The following WDPCP variants were observed in gnomAD, a reference collection of about 807,000 sequenced individuals.
The protein encoded by WDPCP is WD repeat containing planar cell polarity effector.
Under a neutral mutation model 93.1 loss-of-function variants are expected in WDPCP, and 71 were observed. The ratio of observed to expected loss-of-function variants is 0.76; its 90% CI spans 0.63 to 0.93. The LOEUF (loss-of-function observed/expected upper bound fraction) is 0.93, where lower values mean the gene tolerates loss of function less well. WDPCP is among the 40% of genes least tolerant of loss of function. The pLI, the probability that WDPCP is intolerant of heterozygous loss-of-function variation, is 0.00. For missense variants in WDPCP, 844 were observed against 887.4 expected (o/e 0.95, Z 0.62); for synonymous variants, 315 against 315.0 (o/e 1.00, Z 0.00).
chr2:63,251,146 A>T (rs553067157), intron 14 of WDPCP, among the ~76,000 whole-genome samples: 1 of 152,342 alleles, frequency 6.6e-6, no homozygotes, highest in African/African-American at 2.4e-5. Flanking sequence ...TGAACTTGAG[A>T]TCCAAAAATC....
intron 12 of WDPCP, among the ~76,000 whole-genome samples, chr2:63,314,597 G>A (rs554324840): frequency 1.1e-4 from 17 of 151,998 alleles, no homozygotes; most frequent in African/African-American, 3.4e-4. Flanking sequence ...TTAATTTTTT[G>A]TTTTCCCTTC....
chr2:63,443,139 A>G (rs916768519), intron 6 of WDPCP: 6 of 152,166 alleles, frequency 3.9e-5, no homozygotes, highest in Admixed American at 3.3e-4. Flanking sequence ...TATATTTAGT[A>G]TATCATATGA....
chr2:63,737,240 G>C (rs1669651999), intron 2 of WDPCP, among the ~76,000 whole-genome samples: 1 of 152,126 alleles, frequency 6.6e-6, no homozygotes, highest in African/African-American at 2.4e-5. Context: ...GGCCTCCAAG[G>C]CTCAAAGCTC....
intron 1 of WDPCP, among the ~76,000 whole-genome samples, chr2:63,567,009 T>C (rs916848358): frequency 6.6e-6 from 1 of 152,018 alleles, no homozygotes; most frequent in Non-Finnish European, 1.5e-5. Context: ...GGAGTTGAGG[T>C]CGGGGGTGGT....
chr2:63,773,362 T>C (rs374147312), intron 2 of WDPCP, among the ~76,000 whole-genome samples: 2 of 152,024 alleles, frequency 1.3e-5, no homozygotes, highest in East Asian at 1.9e-4. Flanking sequence ...TATAATAACA[T>C]TTATATGACA....
intron 10 of WDPCP, among the ~76,000 whole-genome samples, chr2:63,385,597 G>A (rs9808385): frequency 0.56 from 85,288 of 151,726 alleles, 24,309 homozygotes; most frequent in Admixed American, 0.64. Flanking sequence ...ATAAAACTAC[G>A]CAGAGAGAAA....
intron 2 of WDPCP, among the ~76,000 whole-genome samples, chr2:63,490,617 C>T (rs1008693690): frequency 2.6e-5 from 4 of 152,072 alleles, no homozygotes; most frequent in South Asian, 2.1e-4. Context: ...GTAGGCCCTG[C>T]AAAAATGCAG....
intron 1 of WDPCP, among the ~76,000 whole-genome samples, chr2:63,522,098 T>C (rs950135392): frequency 2.0e-5 from 3 of 152,158 alleles, no homozygotes; most frequent in Middle Eastern, 3.4e-3. Context: ...GCTTGTTACA[T>C]AGGTATACAC....
At chr2:63,319,494 A>T (rs2104086094) in intron 12 of WDPCP, among the ~76,000 whole-genome samples, 1 of 152,342 alleles carries the variant, frequency 6.6e-6, no homozygotes. Flanking sequence ...AATTAGAAAG[A>T]AACAGGAGTC....
intron 14 of WDPCP, among the ~76,000 whole-genome samples, chr2:63,246,476 G>T (rs1319079546): frequency 1.3e-5 from 2 of 152,172 alleles, no homozygotes; most frequent in African/African-American, 4.8e-5. Context: ...CATGTGACCA[G>T]GGTGGGTATC....
At chr2:63,488,981 G>A (rs994918288) in intron 2 of WDPCP, among the ~76,000 whole-genome samples, 1 of 152,020 alleles carries the variant, frequency 6.6e-6, no homozygotes, top group African/African-American at 2.4e-5. Context: ...TCCATTCAGA[G>A]AGTCAGCCTG....
chr2:63,834,892 T>C, the WDPCP span, among the ~76,000 whole-genome samples: 7 of 152,210 alleles, frequency 4.6e-5, no homozygotes, highest in African/African-American at 1.4e-4. Context: ...AGTGCCCTTT[T>C]TGTGGCATCC....
chr2:63,463,799 C>T (rs1288411581), intron 6 of WDPCP, among the ~76,000 whole-genome samples: 2 of 151,992 alleles, frequency 1.3e-5, no homozygotes, highest in Middle Eastern at 3.2e-3. Context: ...TGCAAAAGAA[C>T]GAAGTTGAAC....
chr2:63,570,835 T>C (rs1707435769), intron 1 of WDPCP, among the ~76,000 whole-genome samples: 1 of 152,194 alleles, frequency 6.6e-6, no homozygotes, highest in African/African-American at 2.4e-5. Context: ...GAGCATAAAC[T>C]CTGAAGTTAG....
At chr2:63,836,710 T>C in the WDPCP span, among the ~76,000 whole-genome samples, 1 of 152,138 alleles carries the variant, frequency 6.6e-6, no homozygotes, top group African/African-American at 2.4e-5. Context: ...GTTTTGCACA[T>C]GAGAGAAATA....
chr2:63,156,424 GTACATTA>G (rs1672253426), intron 15 of WDPCP, among the ~76,000 whole-genome samples: 1 of 152,072 alleles, frequency 6.6e-6, no homozygotes. Context: ...GTTTTCAATT[GTACATTA>G]CTAGTATATA....
At chr2:63,726,278 A>G (rs1032961240) in intron 2 of WDPCP, among the ~76,000 whole-genome samples, 3 of 152,198 alleles carry the variant, frequency 2.0e-5, no homozygotes, top group Non-Finnish European at 4.4e-5. Flanking sequence ...CTAGCCAGTT[A>G]TGACAGCACC....
chr2:63,591,989 G>A (rs992797716), upstream of WDPCP, among the ~76,000 whole-genome samples: 1 of 152,132 alleles, frequency 6.6e-6, no homozygotes, highest in Admixed American at 6.5e-5. Flanking sequence ...AATGAGTTGT[G>A]GAGCCAGGAC....
intron 2 of WDPCP, among the ~76,000 whole-genome samples, chr2:63,801,247 T>C (rs1670689361): frequency 6.6e-6 from 1 of 152,164 alleles, no homozygotes; most frequent in Non-Finnish European, 1.5e-5. Flanking sequence ...ATTTCCAAGA[T>C]GGCTCAAAGA....
Sources: allele counts gnomAD v4.1 joint callset (sites outside exome capture counted in the v4.1 genomes callset), GRCh38; gene constraint gnomAD v4.1.1; transcripts MANE v1.5; gene names NCBI Gene and HGNC (gene_info 2026-07-23, HGNC 2026-07-21).